ARPP21: variants seen among roughly 807,000 people sequenced by gnomAD.
ARPP21 encodes cAMP-regulated phosphoprotein 21.
In ARPP21, 69 loss-of-function variants were observed where a neutral mutation model predicts 113.2. The ratio of observed to expected loss-of-function variants is 0.61; its 90% CI spans 0.50 to 0.74. The LOEUF is 0.74. ARPP21 is among the 30% of genes least tolerant of loss of function. The pLI is 0.00. For missense variants in ARPP21, 1,070 were observed against 1,037.4 expected (o/e 1.03, Z -0.43); for synonymous variants, 368 against 375.5 (o/e 0.98, Z 0.23).
intron 1 of ARPP21, among the ~76,000 whole-genome samples, chr3:35,644,663 A>G (rs1699484867): frequency 6.6e-6 from 1 of 151,930 alleles, no homozygotes; most frequent in Admixed American, 6.6e-5. Flanking sequence ...ACATCAAGAC[A>G]GTGGAGGGGA....
chr3:35,643,207 T>A (rs951656838), intron 1 of ARPP21, among the ~76,000 whole-genome samples: 7 of 152,084 alleles, frequency 4.6e-5, no homozygotes, highest in African/African-American at 1.7e-4. Flanking sequence ...GCTTAAGTAG[T>A]TGCAAGGTTA....
chr3:35,652,591 C>G (rs1246310014), intron 1 of ARPP21, among the ~76,000 whole-genome samples: 1 of 152,002 alleles, frequency 6.6e-6, no homozygotes, highest in Non-Finnish European at 1.5e-5. Context: ...CACTGTTAGC[C>G]AAGGCATTTA....
intron 9 of ARPP21, among the ~76,000 whole-genome samples, chr3:35,692,610 G>A (rs1028200750): frequency 1.3e-5 from 2 of 151,546 alleles, no homozygotes; most frequent in Admixed American, 1.3e-4. Flanking sequence ...CACCAATTTT[G>A]CAATCACATA....
At chr3:35,738,349 C>A in intron 17 of ARPP21, 31 bp downstream of exon 17, 1 of 1,478,036 alleles carries the variant, frequency 6.8e-7, no homozygotes, top group Non-Finnish European at 9.1e-7. Context: ...GACTTTTTCC[C>A]CTAGGAAAGC....
At chr3:35,790,511 C>A (rs1261035720) in intron 19 of ARPP21, among the ~76,000 whole-genome samples, 2 of 152,290 alleles carry the variant, frequency 1.3e-5, no homozygotes, top group East Asian at 1.9e-4. Flanking sequence ...CAATTTTCTG[C>A]AATTAATGTG....
chr3:35,695,567 T>C (rs963580065), intron 9 of ARPP21, among the ~76,000 whole-genome samples: 1 of 151,542 alleles, frequency 6.6e-6, no homozygotes, highest in Non-Finnish European at 1.5e-5. Context: ...AATAGCTCCA[T>C]AACTGAAGGA....
At chr3:35,789,435 A>G (rs1437091392) in intron 19 of ARPP21, among the ~76,000 whole-genome samples, 3 of 152,176 alleles carry the variant, frequency 2.0e-5, no homozygotes, top group Non-Finnish European at 4.4e-5. Flanking sequence ...GCAGGTGTAA[A>G]TTTCTTGCCT....
intron 11 of ARPP21, among the ~76,000 whole-genome samples, chr3:35,709,473 A>C (rs2090345824): frequency 6.6e-6 from 1 of 152,228 alleles, no homozygotes; most frequent in African/African-American, 2.4e-5. Flanking sequence ...GAATCTGTTT[A>C]TCTCACACAC....
intron 1 of ARPP21, among the ~76,000 whole-genome samples, chr3:35,645,133 G>T (rs958094478): frequency 6.6e-6 from 1 of 151,700 alleles, no homozygotes; most frequent in Non-Finnish European, 1.5e-5. Flanking sequence ...TCTAGCAAAA[G>T]AAAATCATTT....
At chr3:35,746,718 G>A (rs1240661642) in intron 19 of ARPP21, among the ~76,000 whole-genome samples, 1 of 152,152 alleles carries the variant, frequency 6.6e-6, no homozygotes, top group East Asian at 1.9e-4. Flanking sequence ...AGTCAAATGA[G>A]ATTTTAATCT....
intron 19 of ARPP21, among the ~76,000 whole-genome samples, chr3:35,756,126 C>G (rs2095559903): frequency 6.6e-6 from 1 of 152,010 alleles, no homozygotes. Flanking sequence ...CATAAGATCA[C>G]AGTTTTAATC....
intron 15 of ARPP21, among the ~76,000 whole-genome samples, chr3:35,730,612 G>A (rs573188764): frequency 6.6e-6 from 1 of 152,340 alleles, no homozygotes; most frequent in East Asian, 1.9e-4. Context: ...TGTCTTGAAA[G>A]AGATCTGAAG....
chr3:35,675,004 A>G (rs2077133138), intron 1 of ARPP21, among the ~76,000 whole-genome samples: 1 of 151,638 alleles, frequency 6.6e-6, no homozygotes, highest in East Asian at 2.0e-4. Flanking sequence ...GAGCTCTGAC[A>G]CCCAGTCAAA....
intron 11 of ARPP21, among the ~76,000 whole-genome samples, chr3:35,709,834 T>G (rs1272448495): frequency 6.6e-6 from 1 of 152,206 alleles, no homozygotes; most frequent in Non-Finnish European, 1.5e-5. Context: ...TCAGTAGAAG[T>G]GTGAGCTCCT....
At chr3:35,711,027 G>T (rs938257741) in intron 11 of ARPP21, among the ~76,000 whole-genome samples, 1 of 152,182 alleles carries the variant, frequency 6.6e-6, no homozygotes, top group Non-Finnish European at 1.5e-5. Flanking sequence ...TCAAGCTATT[G>T]CCATAGCTTT....
chr3:35,738,410 T>G, intron 17 of ARPP21, 92 bp downstream of exon 17: 1 of 1,024,936 alleles, frequency 9.8e-7, no homozygotes, highest in South Asian at 1.4e-5. Context: ...GACACTGGGG[T>G]GGGTGCCCTG....
At chr3:35,722,155 AG>A (rs1267247688) in intron 14 of ARPP21, among the ~76,000 whole-genome samples, 1 of 152,218 alleles carries the variant, frequency 6.6e-6, no homozygotes, top group Non-Finnish European at 1.5e-5. Context: ...AAGTTTACTC[AG>A]TAAACTGAAG....
chr3:35,777,679 C>A (rs551324857), intron 19 of ARPP21, among the ~76,000 whole-genome samples: 1 of 152,270 alleles, frequency 6.6e-6, no homozygotes, highest in South Asian at 2.1e-4. Context: ...TAAACTAGAT[C>A]CTCCTTTTTT....
chr3:35,678,176 G>A (rs928258643), intron 1 of ARPP21, among the ~76,000 whole-genome samples: 7 of 151,856 alleles, frequency 4.6e-5, no homozygotes, highest in African/African-American at 1.7e-4. Flanking sequence ...TACTGAGGCT[G>A]GAATAATGCA....
Sources: gnomAD v4.1 joint callset for allele counts (sites outside exome capture counted in the v4.1 genomes callset) on GRCh38, gnomAD v4.1.1 for gene constraint, MANE v1.5 for transcripts, NCBI Gene and HGNC (gene_info 2026-07-23, HGNC 2026-07-21) for gene names.